Variants in CEP192 observed in about 807,000 individuals in gnomAD.
The protein encoded by CEP192 is centrosomal protein 192, also known as centrosomal protein of 192 kDa.
CEP192 carries 151 observed loss-of-function variants against 271.8 expected under a neutral mutation model. The ratio of observed to expected loss-of-function variants is 0.56; its 90% confidence interval spans 0.49 to 0.64. The LOEUF is 0.64. CEP192 is among the 30% of genes least tolerant of loss of function. The probability of loss-of-function intolerance (pLI) is 0.00; values close to 1 mark genes in which losing one functional copy is unlikely to be tolerated. For missense variants in CEP192, 2,910 were observed against 3,020.5 expected (o/e 0.96, Z 0.86); for synonymous variants, 995 against 1,076.5 (o/e 0.92, Z 1.48).
chr18:13,018,665 T>C, intron 8 of CEP192, 50 bp downstream of exon 8: 1 of 1,290,474 alleles, frequency 7.7e-7, no homozygotes, highest in South Asian at 1.6e-5. Flanking sequence ...GTTTTGACTT[T>C]ACTTTTTTTA....
intron 36 of CEP192, among the ~76,000 whole-genome samples, chr18:13,096,558 G>A (rs1258038869): frequency 4.6e-5 from 7 of 152,152 alleles, no homozygotes; most frequent in Non-Finnish European, 1.5e-5. Flanking sequence ...CATTTGAGGT[G>A]GAACAGAGTC....
intron 3 of CEP192, among the ~76,000 whole-genome samples, chr18:13,002,490 A>C (rs2033716063): frequency 6.6e-6 from 1 of 152,126 alleles, no homozygotes; most frequent in South Asian, 2.1e-4. Context: ...TTATATATAC[A>C]TTTTTCGCAC....
intron 19 of CEP192, among the ~76,000 whole-genome samples, chr18:13,057,122 A>G (rs866535513): frequency 6.6e-6 from 1 of 152,280 alleles, no homozygotes; most frequent in Middle Eastern, 3.4e-3. Flanking sequence ...GACATGGTGC[A>G]CACGGCCACT....
chr18:13,070,401 A>G (rs2037949346), intron 27 of CEP192, among the ~76,000 whole-genome samples: 1 of 152,226 alleles, frequency 6.6e-6, no homozygotes, highest in East Asian at 1.9e-4. Context: ...ATTCTGACAA[A>G]AGTAAATAAT....
At chr18:13,080,219 A>G (rs1317701548) in intron 30 of CEP192, among the ~76,000 whole-genome samples, 1 of 152,116 alleles carries the variant, frequency 6.6e-6, no homozygotes, top group Non-Finnish European at 1.5e-5. Flanking sequence ...TCTCTAAATT[A>G]CCTTGGGCAG....
At chr18:13,078,769 T>C (rs2038428179) in intron 30 of CEP192, among the ~76,000 whole-genome samples, 1 of 152,160 alleles carries the variant, frequency 6.6e-6, no homozygotes, top group Non-Finnish European at 1.5e-5. Flanking sequence ...TATCTCCTAA[T>C]GCTATCCCTT....
At position 13,049,905 on chromosome 18, in the gene CEP192, T is replaced by G; in HGVS notation, c.3017+14T>G. On this transcript the variant is annotated intron_variant, in intron 17 of 44. Transcript: ENST00000506447. The stretch of plus-strand genomic sequence containing the variant: ...GAGTTCATCAGGGTAAGTGTGTACC[T>G]TCTTTTTTAAAAAATAAAAATATGC... The G allele has an allele frequency of 6.3e-7, 1 of 1,595,828 alleles. No homozygotes were observed. The highest frequency in any genetic ancestry group is 8.5e-7 in the Non-Finnish European group (1 of 1,174,428).
intron 21 of CEP192, among the ~76,000 whole-genome samples, chr18:13,067,127 T>A (rs544377824): frequency 0.014 from 2,161 of 152,270 alleles, 56 homozygotes; most frequent in African/African-American, 0.05. Flanking sequence ...TACAGACATT[T>A]TTTTCTTGTC....
chr18:13,018,941 C>G lies in CEP192; in HGVS notation c.926-141C>G, dbSNP rs150066583. 1,185 of 728,032 alleles carry G rather than the reference C, an allele frequency of 1.6e-3. 13 individuals are homozygous for G. The African/African-American group carries it at 0.021, about 13-fold the overall frequency. The allele number at this position is 728,032 out of a possible 1,614,324, so 45.1% of individuals were successfully genotyped here. A position where few individuals can be genotyped will look rare whatever the true frequency, so the allele number is the denominator to read the frequency against. ...TGCCTCTTACTGTTGCTTATTTTCT[C>G]TCTACGAAAATGGCTAAATTTGTCA... On this transcript the variant is annotated intron_variant, in intron 8 of 44. Coordinates refer to ENST00000506447, the MANE Select transcript of CEP192 (RefSeq NM_032142.4).
At chr18:13,121,880 C>T (rs1185069984) in intron 44 of CEP192, among the ~76,000 whole-genome samples, 1 of 152,228 alleles carries the variant, frequency 6.6e-6, no homozygotes, top group Non-Finnish European at 1.5e-5. Context: ...GCTGCAGTGA[C>T]TTCTCACCCA....
chr18:13,076,732 G>A (rs898878945), intron 30 of CEP192, among the ~76,000 whole-genome samples: 3 of 152,162 alleles, frequency 2.0e-5, no homozygotes, highest in African/African-American at 7.2e-5. Context: ...GTCACTTTGA[G>A]TGAGGGAGGA....
At chr18:13,068,756 C>T in intron 24 of CEP192, 96 bp from the exon 25 acceptor site, 1 of 1,290,180 alleles carries the variant, frequency 7.8e-7, no homozygotes, top group East Asian at 2.3e-5. Flanking sequence ...CCTAAATTTT[C>T]TTATTGCCCC....
At chr18:13,113,054 G>A (rs772881821) in intron 40 of CEP192, among the ~76,000 whole-genome samples, 2 of 152,210 alleles carry the variant, frequency 1.3e-5, no homozygotes, top group Non-Finnish European at 2.9e-5. Flanking sequence ...TGTGCCCAGG[G>A]TCACTGGCTG....
chr18:13,124,693 G>T lies in CEP192; in HGVS notation c.7537G>T (p.Ala2513Ser). The T allele has an allele frequency of 6.2e-7, 1 of 1,614,018 alleles. No homozygotes were observed. The highest frequency in any genetic ancestry group is 8.5e-7 in the Non-Finnish European group (1 of 1,179,974). Residue 2513 changes from alanine (A) to serine (S), a missense_variant, in exon 45 of 45, where the codon GCT becomes TCT. Ala to Ser is a moderately conservative substitution (Grantham distance 99). Transcript: ENST00000506447. Reference protein sequence around the residue: ...FKPKSAGKFEALLVIQTDEGK... With the variant: ...FKPKSAGKFESLLVIQTDEGK... ...ACCGAAGTCCGCAGGCAAATTTGAA[G>T]CTTTGCTTGTCATTCAAACAGATGA...
At chr18:13,038,669 G>T (rs2036038947) in intron 13 of CEP192, 90 bp downstream of exon 13, 1 of 992,410 alleles carries the variant, frequency 1.0e-6, no homozygotes, top group Admixed American at 2.0e-5. Context: ...AATGGAGATA[G>T]AATAGGATGG....
At chr18:13,037,721 A>C (rs960395599) in intron 12 of CEP192, among the ~76,000 whole-genome samples, 5 of 151,856 alleles carry the variant, frequency 3.3e-5, no homozygotes, top group African/African-American at 1.2e-4. Context: ...ATGCCTAGCT[A>C]TTTTTTTATT....
At chr18:13,117,692 C>T (rs780870161) in intron 44 of CEP192, 49 bp downstream of exon 44, 8 of 1,451,868 alleles carry the variant, frequency 5.5e-6, no homozygotes, top group South Asian at 1.2e-5. Flanking sequence ...GCAGGACTTT[C>T]GTCTCTTGGG....
At position 13,056,539 on chromosome 18, in the gene CEP192, A is replaced by C. The variant is rs755828153; in HGVS notation, c.3949A>C (p.Asn1317His). 26 of 1,614,208 alleles carry C rather than the reference A, an allele frequency of 1.6e-5. No homozygotes were observed. In the South Asian group the frequency reaches 2.6e-4, roughly 16 times the overall value. The change falls in exon 19 of 45, where the codon AAT (asparagine) becomes CAT (histidine). Residue 1317 changes from asparagine (N) to histidine (H), a missense_variant. By Grantham distance (68) the Asn-to-His change is moderately conservative. Transcript: ENST00000506447. ...GGCTGTGGGAATTTGTCTAGGATCA[A>C]ATATCGGCTCTGGATGGATGGGTAC... ...SVAVGICLGS[N>H]IGSGWMGTSS...
chr18:13,062,714 A>C (rs922962001), intron 21 of CEP192, among the ~76,000 whole-genome samples: 1 of 152,120 alleles, frequency 6.6e-6, no homozygotes, highest in African/African-American at 2.4e-5. Context: ...CCCCTCAAGC[A>C]TTTATCCTTT....
Sources: allele counts gnomAD v4.1 joint callset (sites outside exome capture counted in the v4.1 genomes callset), GRCh38; gene constraint gnomAD v4.1.1; transcripts MANE v1.5; gene names NCBI Gene and HGNC (gene_info 2026-07-23, HGNC 2026-07-21).